HIF1A: variants seen among roughly 807,000 people sequenced by gnomAD.
The protein encoded by HIF1A is hypoxia-inducible factor 1-alpha.
In HIF1A, 24 loss-of-function variants were observed where a neutral mutation model predicts 92.7. The ratio of observed to expected loss-of-function variants is 0.26; its 90% confidence interval spans 0.19 to 0.36. The LOEUF (loss-of-function observed/expected upper bound fraction) is 0.36. Ranked by LOEUF, HIF1A falls within the 10% of genes least tolerant of loss-of-function variation. The probability of loss-of-function intolerance (pLI) is 1.00; values close to 1 mark genes in which losing one functional copy is unlikely to be tolerated. For missense variants in HIF1A, 799 were observed against 998.5 expected (o/e 0.80, Z 2.69); for synonymous variants, 319 against 338.7 (o/e 0.94, Z 0.64).
chr14:61,742,612 G>A (rs967150723), intron 12 of HIF1A, among the ~76,000 whole-genome samples: 8 of 152,046 alleles, frequency 5.3e-5, no homozygotes, highest in African/African-American at 1.4e-4. Flanking sequence ...GAGGCAGGGC[G>A]CAGTGGCTCA....
At chr14:61,742,512 C>T (rs1441774027) in intron 12 of HIF1A, among the ~76,000 whole-genome samples, 3 of 152,100 alleles carry the variant, frequency 2.0e-5, no homozygotes, top group Non-Finnish European at 4.4e-5. Flanking sequence ...CTGAGCTCCA[C>T]GAGGGCAATC....
chr14:61,702,621 T>C (rs1157234111), intron 1 of HIF1A, among the ~76,000 whole-genome samples: 1 of 152,172 alleles, frequency 6.6e-6, no homozygotes, highest in Admixed American at 6.5e-5. Flanking sequence ...TAGAAGAGCA[T>C]TGATTATTCT....
chr14:61,722,268 T>G (rs1413150976), intron 4 of HIF1A, among the ~76,000 whole-genome samples: 3 of 152,154 alleles, frequency 2.0e-5, no homozygotes, highest in Admixed American at 1.3e-4. Context: ...AAAAATTATT[T>G]GTAGAGACAA....
intron 8 of HIF1A, among the ~76,000 whole-genome samples, chr14:61,734,488 A>G (rs1292315377): frequency 1.3e-5 from 2 of 152,174 alleles, no homozygotes; most frequent in Non-Finnish European, 2.9e-5. Context: ...CACTGTCAGT[A>G]GTTGTCTATC....
intron 6 of HIF1A, among the ~76,000 whole-genome samples, chr14:61,729,486 A>AAAAAAAC: frequency 6.8e-6 from 1 of 147,844 alleles, no homozygotes; most frequent in Non-Finnish European, 1.5e-5. Context: ...AAACAAAAAA[A>AAAAAAAC]AGACCTCAGA....
rs184244716 is a variant in HIF1A at position 61,732,428 on chromosome 14, T to C, written c.784T>C (p.Leu262=). Residue 262 remains leucine, a synonymous_variant, in exon 7 of 15, where the codon TTG becomes CTG. Coordinates refer to ENST00000337138, the MANE Select transcript of HIF1A (RefSeq NM_001530.4). ...FSYCDERITE[L]MGYEPEELLG... ...ATTTTTTACTAACAGAATTACCGAATTGATGGGATATGAGCCAGAAGAACT... is the reference window on the plus strand; with the variant it reads ...ATTTTTTACTAACAGAATTACCGAACTGATGGGATATGAGCCAGAAGAACT... 6 of 1,601,242 alleles carry C rather than the reference T, an allele frequency of 3.7e-6. No homozygotes were observed. The African/African-American group carries it at 8.0e-5, about 21-fold the overall frequency.
chr14:61,714,579 T>C (rs1372659511), intron 1 of HIF1A, among the ~76,000 whole-genome samples: 1 of 152,230 alleles, frequency 6.6e-6, no homozygotes, highest in African/African-American at 2.4e-5. Context: ...AAAAACCAGT[T>C]AGTTTCAGAA....
rs961797192 is a variant in HIF1A, at chr14:61,729,140, T to C, written c.773+1485T>C. Among the ~76,000 whole-genome samples the C allele has an allele frequency of 3.3e-5, 5 of 152,186 alleles. 1 individual carries two copies. The highest frequency in any genetic ancestry group is 1.2e-4 in the African/African-American group (5 of 41,538). The stretch of plus-strand genomic sequence containing the variant: ...TGGCCTTGGCCTTGGTACTTAACTG[T>C]TGTAAAATTCACATTCCTTATCTAT... On this transcript the variant is annotated intron_variant, in intron 6 of 14. Transcript: ENST00000337138.
intron 9 of HIF1A, 57 bp from the exon 10 acceptor site, chr14:61,738,030 T>TAAA: frequency 8.1e-6 from 10 of 1,231,898 alleles, no homozygotes; most frequent in South Asian, 1.5e-5. Flanking sequence ...CTGTCTTGGG[T>TAAA]AAAAAAAAAA....
intron 1 of HIF1A, among the ~76,000 whole-genome samples, chr14:61,701,592 A>C (rs766070602): frequency 6.6e-6 from 1 of 152,138 alleles, no homozygotes; most frequent in Non-Finnish European, 1.5e-5. Flanking sequence ...AGTCTTGTAA[A>C]TTCAGATGCT....
At chr14:61,696,854 CG>C (rs1191092434) in intron 1 of HIF1A, among the ~76,000 whole-genome samples, 2 of 152,042 alleles carry the variant, frequency 1.3e-5, no homozygotes, top group Non-Finnish European at 2.9e-5. Flanking sequence ...AGTAATCACT[CG>C]GTTAGAACTT....
Position 61,697,832 on chromosome 14 carries a change from A to AT in HIF1A, c.35+2003dup, listed in dbSNP as rs113243889. 3.0e-3 allele frequency: 4,090 copies of AT among 1,379,122 alleles called. 1 individual carries two copies. Among genetic ancestry groups the AT allele is most frequent in the East Asian group, 7.7e-3 (277 of 36,186 alleles). 85.4% of individuals were successfully genotyped at this position (1,379,122 alleles called of 1,614,324 possible). ...GAGGGACGGAGATTTTCTTCAAGCA[A>AT]TTTTTTTTTTCATTTTAAATGAGCT... On this transcript the variant is annotated intron_variant, in intron 1 of 14. Transcript: ENST00000337138.
chr14:61,735,710 A>C (rs2044627235), intron 8 of HIF1A, among the ~76,000 whole-genome samples: 1 of 152,204 alleles, frequency 6.6e-6, no homozygotes, highest in African/African-American at 2.4e-5. Flanking sequence ...ATTGCTCATC[A>C]TCCCTCTTCA....
In HIF1A at chr14:61,721,488, CTCT is replaced by C. The variant is rs775881614; in HGVS notation, c.227-16_227-14del. 4 of 1,594,126 alleles carry C rather than the reference CTCT, an allele frequency of 2.5e-6. No individual in the cohort carries two copies. The South Asian group carries it at 3.4e-5, about 13-fold the overall frequency. On this transcript the variant is annotated intron_variant, in intron 2 of 14. Coordinates refer to ENST00000337138, the MANE Select transcript of HIF1A (RefSeq NM_001530.4). ...TACAACTTTTTAACTAATTATTTTC[CTCT>C]TCTTGTGCCCTTTTTAGGTGATTTG...
At position 61,706,202 on chromosome 14, in the gene HIF1A, T is replaced by C. The variant is rs547524377; in HGVS notation, c.35+10363T>C. On this transcript the variant is annotated intron_variant, in intron 1 of 14. Transcript: ENST00000337138. ...AAAGAAGAGTGATAGAGTAGGTAAT[T>C]TGGGGAAAGTCAGTGATACACAGCT... is the stretch of plus-strand genomic sequence containing the variant. Among the ~76,000 whole-genome samples, 8 of 152,110 alleles carry C rather than the reference T, an allele frequency of 5.3e-5. No homozygotes were observed. The South Asian group carries it at 1.7e-3, about 32-fold the overall frequency.
At position 61,695,569 on chromosome 14, in the gene HIF1A, G is replaced by A. The variant is rs999824027; in HGVS notation, c.-236G>A. The A allele has an allele frequency of 3.4e-6, 2 of 582,244 alleles. No individual in the cohort carries two copies. The highest frequency in any genetic ancestry group is 5.9e-5 in the East Asian group (2 of 33,622). The allele number at this position is 582,244 out of a possible 1,614,324, so 36.1% of individuals were successfully genotyped here. On this transcript the variant is annotated 5_prime_UTR_variant, in exon 1 of 15. Coordinates refer to ENST00000337138, the MANE Select transcript of HIF1A (RefSeq NM_001530.4). Reference sequence around the variant, plus strand: ...GGAGGATCACCCTCTTCGTCGCTTCGGCCAGTGTGTCGGGCTGGGCCCTGA... The same window carrying A: ...GGAGGATCACCCTCTTCGTCGCTTCAGCCAGTGTGTCGGGCTGGGCCCTGA...
At chr14:61,743,570 A>G (rs960220066) in intron 12 of HIF1A, among the ~76,000 whole-genome samples, 5 of 152,244 alleles carry the variant, frequency 3.3e-5, no homozygotes, top group African/African-American at 1.2e-4. Flanking sequence ...CCCTGTCTAT[A>G]TAATAGAAGT....
At position 61,738,358 on chromosome 14, in the gene HIF1A, A is replaced by T. The variant is rs1429837920; in HGVS notation, c.1521A>T (p.Arg507Ser). 1 of 1,605,822 alleles carries T rather than the reference A, an allele frequency of 6.2e-7. No individual in the cohort carries two copies. Among genetic ancestry groups the T allele is most frequent in the Non-Finnish European group, 8.5e-7 (1 of 1,175,842 alleles). The change falls in exon 10 of 15, where the codon AGA becomes AGT. Residue 507 changes from arginine to serine, a missense_variant. Arg to Ser is a moderately radical substitution (Grantham distance 110, BLOSUM62 -1). This residue lies in a region of HIF1A where 516 missense variants were observed against 721.0 expected (regional missense o/e 0.72). Coordinates refer to ENST00000337138, the MANE Select transcript of HIF1A (RefSeq NM_001530.4). ...QTPSPSDGST[R>S]QSSPEPNSPS... ...CTAGTCCTTCCGATGGAAGCACTAGACAAAGTTCACCTGAGGTAGGTGTCA... is the reference window on the plus strand; with the variant it reads ...CTAGTCCTTCCGATGGAAGCACTAGTCAAAGTTCACCTGAGGTAGGTGTCA...
At chr14:61,698,464 A>G (rs1566557989) in intron 1 of HIF1A, among the ~76,000 whole-genome samples, 1 of 152,228 alleles carries the variant, frequency 6.6e-6, no homozygotes, top group South Asian at 2.1e-4. Flanking sequence ...TAAATGAGAT[A>G]ATGCTTGTGA....
Sources: gnomAD v4.1 joint callset for allele counts (sites outside exome capture counted in the v4.1 genomes callset) on GRCh38, gnomAD v4.1.1 for gene constraint, gnomAD v4.1.1 regional missense constraint, MANE v1.5 for transcripts, NCBI Gene and HGNC (gene_info 2026-07-23, HGNC 2026-07-21) for gene names.